Variants in NCOA7 observed in about 807,000 individuals in gnomAD.
NCOA7 encodes the protein nuclear receptor coactivator 7, also known as 140 kDa estrogen receptor-associated protein.
NCOA7 carries 45 observed loss-of-function variants against 104.3 expected under a neutral mutation model. The observed-to-expected ratio is 0.43, with a 90% confidence interval of 0.34 to 0.55. The LOEUF is 0.55. NCOA7 is among the 20% of genes least tolerant of loss of function. The pLI is 0.02. For missense variants in NCOA7, 1,041 were observed against 1,119.7 expected, an observed-to-expected ratio of 0.93 and a Z score of 1.00; for synonymous variants, 398 against 402.3, an observed-to-expected ratio of 0.99 and a Z score of 0.13.
chr6:125,791,252 C>G (rs1469463016), intron 1 of NCOA7, among the ~76,000 whole-genome samples, 185 bp downstream of exon 1: 1 of 152,172 alleles, frequency 6.6e-6, no homozygotes, highest in Non-Finnish European at 1.5e-5. Context: ...TGCTTGAGCT[C>G]GGGAGGCCGA....
At chr6:125,893,925 C>T (rs1220966910) in intron 10 of NCOA7, among the ~76,000 whole-genome samples, 1 of 152,128 alleles carries the variant, frequency 6.6e-6, no homozygotes, top group African/African-American at 2.4e-5. Flanking sequence ...TCCCTGTCTC[C>T]AGTGCAGCTT....
intron 1 of NCOA7, among the ~76,000 whole-genome samples, chr6:125,794,672 A>T (rs570943595): frequency 6.6e-6 from 1 of 150,570 alleles, no homozygotes; most frequent in African/African-American, 2.5e-5. Context: ...TTTGAACAAG[A>T]ATTGCAAATT....
chr6:125,831,484 GTT>G (rs79482554), intron 2 of NCOA7, among the ~76,000 whole-genome samples: 1 of 141,654 alleles, frequency 7.1e-6, no homozygotes, highest in African/African-American at 2.6e-5. Context: ...AGGTTTGTTT[GTT>G]TTTTTTTTTT....
At chr6:125,881,587 C>T (rs1783827747) in intron 6 of NCOA7, among the ~76,000 whole-genome samples, 1 of 150,468 alleles carries the variant, frequency 6.6e-6, no homozygotes, top group African/African-American at 2.4e-5. Context: ...GGGAGGATCA[C>T]TTGAGCCTGG....
In NCOA7 at chr6:125,815,304, T is replaced by C. The variant is rs1225946227; in HGVS notation, c.-51T>C. ...CTTTTCTTACAGGGTTACGACTCAC[T>C]GATTAAAAAGAGGGACTTTTTCAAA... On this transcript the variant is annotated 5_prime_UTR_variant, in exon 2 of 16. Coordinates refer to ENST00000392477, the MANE Select transcript of NCOA7 (RefSeq NM_181782.5). 2.8e-6 allele frequency: 4 copies of C among 1,425,202 alleles called. No homozygotes were observed. Among genetic ancestry groups the C allele is most frequent in the Non-Finnish European group, 3.9e-6 (4 of 1,026,754 alleles). 88.3% of individuals were successfully genotyped at this position (1,425,202 alleles called of 1,614,324 possible).
intron 10 of NCOA7, among the ~76,000 whole-genome samples, chr6:125,908,087 G>A (rs1463247463): frequency 6.6e-6 from 1 of 152,170 alleles, no homozygotes; most frequent in African/African-American, 2.4e-5. Context: ...CAAACCCAGA[G>A]CCTAGATTTA....
chr6:125,842,015 A>G (rs774178011), intron 2 of NCOA7, among the ~76,000 whole-genome samples: 2 of 151,810 alleles, frequency 1.3e-5, no homozygotes, highest in African/African-American at 2.4e-5. Flanking sequence ...ATTCAAAAGC[A>G]ATGTCAGATT....
intron 10 of NCOA7, among the ~76,000 whole-genome samples, chr6:125,914,007 G>A (rs537877025): frequency 2.6e-5 from 4 of 152,212 alleles, no homozygotes; most frequent in Non-Finnish European, 4.4e-5. Flanking sequence ...CAATGCTGAC[G>A]TCACAGCAAA....
chr6:125,897,176 C>A (rs936799608), intron 10 of NCOA7, among the ~76,000 whole-genome samples: 1 of 152,144 alleles, frequency 6.6e-6, no homozygotes, highest in Non-Finnish European at 1.5e-5. Flanking sequence ...ACCTGATAGT[C>A]CAATTTGAGA....
chr6:125,815,303 C>A lies in NCOA7; in HGVS notation c.-52C>A. 7.1e-7 allele frequency: 1 copy of A among 1,414,146 alleles called. No homozygotes were observed. Among genetic ancestry groups the A allele is most frequent in the Non-Finnish European group, 9.8e-7 (1 of 1,017,554 alleles). The allele number at this position is 1,414,146 out of a possible 1,614,324, so 87.6% of individuals were successfully genotyped here. On this transcript the variant is annotated 5_prime_UTR_variant, in exon 2 of 16. It adds an upstream start codon to the 5' untranslated region. Transcript: ENST00000392477. ...TCTTTTCTTACAGGGTTACGACTCA[C>A]TGATTAAAAAGAGGGACTTTTTCAA...
chr6:125,927,861 A>C, intron 14 of NCOA7, 103 bp downstream of exon 14: 2 of 986,328 alleles, frequency 2.0e-6, no homozygotes, highest in Non-Finnish European at 3.2e-6. Context: ...ACTTCTCCTG[A>C]ACTGACTCCG....
rs370144558 is a variant in NCOA7, at chr6:125,815,292, G to A, written c.-63G>A. The A allele has an allele frequency of 7.8e-7, 1 of 1,290,300 alleles. No individual in the cohort carries two copies. Among genetic ancestry groups the A allele is most frequent in the Non-Finnish European group, 1.1e-6 (1 of 909,002 alleles). The allele number at this position is 1,290,300 out of a possible 1,614,324, so 79.9% of individuals were successfully genotyped here. ...TTGCTTTGTTATCTTTTCTTACAGG[G>A]TTACGACTCACTGATTAAAAAGAGG... On this transcript the variant is annotated splice_region_variant and 5_prime_UTR_variant, in exon 2 of 16. Coordinates refer to ENST00000392477, the MANE Select transcript of NCOA7 (RefSeq NM_181782.5).
chr6:125,889,752 G>A lies in NCOA7; in HGVS notation c.1698G>A (p.Gln566=). ...TTACCCTTAGTAGTTCTCTTTCCCAGGCGGGTGATCCCATAACTGAGGGCA... is the reference window on the plus strand; with the variant it reads ...TTACCCTTAGTAGTTCTCTTTCCCAAGCGGGTGATCCCATAACTGAGGGCA... ...IDITLSSSLS[Q]AGDPITEGNK... Residue 566 remains glutamine, a synonymous_variant, in exon 9 of 16, where the codon CAG becomes CAA. Transcript: ENST00000392477. 26 of 1,612,778 alleles carry A rather than the reference G, an allele frequency of 1.6e-5. No homozygotes were observed. Among genetic ancestry groups the A allele is most frequent in the Non-Finnish European group, 2.2e-5 (26 of 1,179,518 alleles).
At chr6:125,823,784 G>A (rs185902965) in intron 2 of NCOA7, among the ~76,000 whole-genome samples, 2 of 152,214 alleles carry the variant, frequency 1.3e-5, no homozygotes, top group East Asian at 3.9e-4. Flanking sequence ...TAACCCGTTA[G>A]GGTCTCATGA....
chr6:125,922,910 A>G (rs1236914621), intron 13 of NCOA7, 76 bp downstream of exon 13: 1 of 1,296,438 alleles, frequency 7.7e-7, no homozygotes, highest in East Asian at 2.7e-5. Context: ...GACTAGTACC[A>G]TATACTTCCA....
intron 11 of NCOA7, among the ~76,000 whole-genome samples, chr6:125,920,308 A>C (rs1037593054): frequency 6.6e-6 from 1 of 152,162 alleles, no homozygotes; most frequent in African/African-American, 2.4e-5. Context: ...AGTGGTTTCT[A>C]TGTGCACAAC....
chr6:125,802,459 G>C (rs1213777760), intron 1 of NCOA7: 1 of 152,286 alleles, frequency 6.6e-6, no homozygotes, highest in Middle Eastern at 3.4e-3. Context: ...AGAGGGAAAA[G>C]CAGCTACCTG....
chr6:125,925,335 A>G (rs937908907), intron 13 of NCOA7, among the ~76,000 whole-genome samples: 10 of 152,236 alleles, frequency 6.6e-5, no homozygotes, highest in African/African-American at 1.9e-4. Flanking sequence ...ACTGTAGACC[A>G]TCTACTTTAC....
At position 125,852,242 on chromosome 6, in the gene NCOA7, C is replaced by T. The variant is rs1583376990; in HGVS notation, c.51-2778C>T. ...AAAGAGTCTTTCTCTGTCGCCCAGG[C>T]TGGAGTTCAGTGGCACAATCTCAGC... On this transcript the variant is annotated intron_variant, in intron 2 of 15. Coordinates refer to ENST00000392477, the MANE Select transcript of NCOA7 (RefSeq NM_181782.5). 5.3e-5 allele frequency among the ~76,000 whole-genome samples: 8 copies of T among 152,216 alleles called. No homozygotes were observed. In the South Asian group the frequency reaches 1.7e-3, roughly 32 times the overall value.
Sources: gnomAD v4.1 joint callset for allele counts (sites outside exome capture counted in the v4.1 genomes callset) on GRCh38, gnomAD v4.1.1 for gene constraint, MANE v1.5 for transcripts, NCBI Gene and HGNC (gene_info 2026-07-23, HGNC 2026-07-21) for gene names.